The following NFIA variants were observed in gnomAD, a reference collection of about 807,000 sequenced individuals.
NFIA encodes nuclear factor I A, also known as nuclear factor 1 A-type.
A neutral mutation model predicts 62.8 loss-of-function variants in NFIA; 8 were observed. That is an observed-to-expected ratio of 0.13 (90% confidence interval 0.07 to 0.23). The LOEUF (loss-of-function observed/expected upper bound fraction) is 0.23. Ranked by LOEUF, NFIA falls within the 10% of genes least tolerant of loss-of-function variation. NFIA has a pLI of 1.00. For missense variants in NFIA, 410 were observed against 642.1 expected, an observed-to-expected ratio of 0.64 and a Z score of 3.91; for synonymous variants, 235 against 238.1, an observed-to-expected ratio of 0.99 and a Z score of 0.12.
In NFIA at chr1:61,174,473, A is replaced by G. The variant is rs1383835798; in HGVS notation, c.559+85793A>G. 3.9e-5 allele frequency among the ~76,000 whole-genome samples: 6 copies of G among 152,240 alleles called. No homozygotes were observed. The East Asian group carries it at 1.2e-3, about 29-fold the overall frequency. ...TCAATTATGAATCCAGTGCAGTGCAAGGGGCAGAGAGATGGTATACCACAC... is the reference window on the plus strand; with the variant it reads ...TCAATTATGAATCCAGTGCAGTGCAGGGGGCAGAGAGATGGTATACCACAC... On this transcript the variant is annotated intron_variant, in intron 2 of 10. Transcript: ENST00000403491.
chr1:61,359,039 A>T (rs1394162976), intron 5 of NFIA, 108 bp from the exon 6 acceptor site: 11 of 1,476,798 alleles, frequency 7.4e-6, no homozygotes, highest in Non-Finnish European at 1.0e-5. Flanking sequence ...GAACTACATT[A>T]AGTTGCCCAA....
chr1:61,189,434 A>G (rs1465024245), intron 2 of NFIA, among the ~76,000 whole-genome samples: 1 of 152,156 alleles, frequency 6.6e-6, no homozygotes, highest in Non-Finnish European at 1.5e-5. Context: ...TGGGAGGCCG[A>G]GGTGGGCTGA....
At chr1:61,105,525 G>A (rs1371868098) in intron 2 of NFIA, among the ~76,000 whole-genome samples, 2 of 151,810 alleles carry the variant, frequency 1.3e-5, no homozygotes, top group African/African-American at 2.4e-5. Flanking sequence ...GGCCTTTCTT[G>A]TGGTGCTCGT....
chr1:61,384,650 A>G (rs1343385825), intron 7 of NFIA, among the ~76,000 whole-genome samples: 2 of 152,338 alleles, frequency 1.3e-5, no homozygotes, highest in South Asian at 2.1e-4. Flanking sequence ...TATAAACTGT[A>G]GTGGGGGATC....
intron 2 of NFIA, among the ~76,000 whole-genome samples, chr1:61,217,239 T>C (rs1471155571): frequency 6.6e-6 from 1 of 150,974 alleles, no homozygotes; most frequent in African/African-American, 2.4e-5. Flanking sequence ...TTTTTTTTGT[T>C]TTGTATTTTT....
At chr1:61,398,103 C>A (rs950457556) in intron 7 of NFIA, among the ~76,000 whole-genome samples, 1 of 152,168 alleles carries the variant, frequency 6.6e-6, no homozygotes, top group Admixed American at 6.5e-5. Flanking sequence ...ATCCAATAGC[C>A]CTTTGCCTGT....
chr1:61,120,182 A>G (rs893943288), intron 2 of NFIA, among the ~76,000 whole-genome samples: 59 of 152,344 alleles, frequency 3.9e-4, no homozygotes, highest in African/African-American at 1.3e-3. Context: ...ATTTGTAATT[A>G]TGTGAGATGA....
At chr1:61,319,111 T>C (rs1449886850) in intron 3 of NFIA, among the ~76,000 whole-genome samples, 1 of 152,110 alleles carries the variant, frequency 6.6e-6, no homozygotes, top group Non-Finnish European at 1.5e-5. Flanking sequence ...TTCAGCCCAG[T>C]GAATATAATT....
At chr1:61,382,711 CTTTTCTT>C (rs1017000347) in intron 6 of NFIA, among the ~76,000 whole-genome samples, 4 of 152,124 alleles carry the variant, frequency 2.6e-5, no homozygotes, top group Non-Finnish European at 4.4e-5. Context: ...GATTTTTTTA[CTTTTCTT>C]TTTTCTTTTT....
At chr1:61,184,560 A>T (rs531037988) in intron 2 of NFIA, among the ~76,000 whole-genome samples, 2 of 152,370 alleles carry the variant, frequency 1.3e-5, no homozygotes, top group South Asian at 2.1e-4. Flanking sequence ...GGCCAAGGGT[A>T]CAGCACACTC....
chr1:61,123,074 G>A (rs1002886593), intron 2 of NFIA, among the ~76,000 whole-genome samples: 9 of 152,186 alleles, frequency 5.9e-5, no homozygotes, highest in Admixed American at 1.3e-4. Context: ...CTACTTAAAT[G>A]ATATCCTATC....
intron 2 of NFIA, 51 bp from the exon 3 acceptor site, chr1:61,277,469 A>G (rs1216212232): frequency 6.9e-6 from 11 of 1,585,890 alleles, no homozygotes; most frequent in Non-Finnish European, 9.5e-6. Context: ...CCTCTGATGC[A>G]CTTTCCCTTG....
intron 6 of NFIA, among the ~76,000 whole-genome samples, chr1:61,364,070 C>T (rs950625264): frequency 4.6e-5 from 7 of 152,114 alleles, no homozygotes; most frequent in Admixed American, 1.3e-4. Context: ...CTCAGCCTCC[C>T]GAGCAGGTAG....
intron 2 of NFIA, among the ~76,000 whole-genome samples, chr1:61,125,686 C>G (rs186180670): frequency 6.6e-6 from 1 of 152,202 alleles, no homozygotes; most frequent in African/African-American, 2.4e-5. Flanking sequence ...GCATATTATA[C>G]CTAAGAAGAA....
At chr1:61,228,045 T>C (rs1283456802) in intron 2 of NFIA, among the ~76,000 whole-genome samples, 1 of 152,222 alleles carries the variant, frequency 6.6e-6, no homozygotes, top group African/African-American at 2.4e-5. Context: ...AAGATCTGTT[T>C]TGGCTTGGTT....
At chr1:61,276,344 T>A (rs1286249682) in intron 2 of NFIA, among the ~76,000 whole-genome samples, 3 of 152,222 alleles carry the variant, frequency 2.0e-5, no homozygotes, top group Non-Finnish European at 4.4e-5. Context: ...AGAAGGGTGA[T>A]GCTATAACTC....
chr1:61,088,637 T>A lies in NFIA; in HGVS notation c.516T>A (p.Val172=). The stretch of plus-strand genomic sequence containing the variant: ...AACCCCATCACATAGGGGTTTCTGT[T>A]AAGGAACTCGATTTATATTTGGCAT... ...CVQPHHIGVS[V]KELDLYLAYF... The change falls in exon 2 of 11, where the codon GTT becomes GTA. Residue 172 remains valine (V), a synonymous_variant. Coordinates refer to ENST00000403491, the MANE Select transcript of NFIA (RefSeq NM_001134673.4). The surrounding 1 kb of genome is among the most constrained non-coding windows in gnomAD (Gnocchi z 4.5). The A allele has an allele frequency of 6.2e-7, 1 of 1,613,974 alleles. No individual in the cohort carries two copies. Among genetic ancestry groups the A allele is most frequent in the South Asian group, 1.1e-5 (1 of 91,052 alleles).
At chr1:61,206,237 G>A (rs55878063) in intron 2 of NFIA, among the ~76,000 whole-genome samples, 16,858 of 152,002 alleles carry the variant, frequency 0.11, 1,458 homozygotes, top group African/African-American at 0.24. Flanking sequence ...TGTAATATGA[G>A]GCTTTTCCTG....
At chr1:61,296,466 C>G (rs887107029) in intron 3 of NFIA, among the ~76,000 whole-genome samples, 2 of 152,148 alleles carry the variant, frequency 1.3e-5, no homozygotes, top group Non-Finnish European at 2.9e-5. Context: ...TAAATAGATA[C>G]ATTTCATTAG....
Sources: gnomAD v4.1 joint callset for allele counts (sites outside exome capture counted in the v4.1 genomes callset) on GRCh38, gnomAD v4.1.1 for gene constraint, Gnocchi (gnomAD v3.1) non-coding constraint, MANE v1.5 for transcripts, NCBI Gene and HGNC (gene_info 2026-07-23, HGNC 2026-07-21) for gene names.